The following SLIT3 variants were observed in gnomAD, a reference collection of about 807,000 sequenced individuals.
SLIT3 encodes the protein slit guidance ligand 3.
Under a neutral mutation model 184.0 loss-of-function variants are expected in SLIT3, and 68 were observed. The observed-to-expected ratio is 0.37, with a 90% CI of 0.30 to 0.45. The LOEUF is 0.45. Among genes scored for constraint, SLIT3 ranks in the 20% least tolerant of loss-of-function variants. The pLI, the probability that SLIT3 is intolerant of heterozygous loss-of-function variation, is 1.00. For missense variants in SLIT3, 1,707 were observed against 2,026.0 expected, an observed-to-expected ratio of 0.84 and a Z score of 3.02; for synonymous variants, 831 against 828.6, an observed-to-expected ratio of 1.00 and a Z score of -0.05.
intron 4 of SLIT3, among the ~76,000 whole-genome samples, chr5:169,133,490 C>T (rs1761380122): frequency 6.6e-6 from 1 of 152,178 alleles, no homozygotes; most frequent in Non-Finnish European, 1.5e-5. Context: ...GCACTGGTTA[C>T]AAGAGAAGTC....
intron 27 of SLIT3, among the ~76,000 whole-genome samples, chr5:168,698,893 T>G (rs986862275): frequency 2.6e-5 from 4 of 152,238 alleles, no homozygotes; most frequent in Non-Finnish European, 5.9e-5. Context: ...TCTGAAACTC[T>G]TCAACAACTT....
At chr5:169,283,364 G>C (rs1001120377) in intron 1 of SLIT3, among the ~76,000 whole-genome samples, 2 of 152,170 alleles carry the variant, frequency 1.3e-5, no homozygotes, top group East Asian at 1.9e-4. Context: ...CTATGCTTTT[G>C]AAAGTGCTTA....
chr5:169,004,561 TG>T (rs1219246703), intron 4 of SLIT3, among the ~76,000 whole-genome samples: 1 of 152,162 alleles, frequency 6.6e-6, no homozygotes, highest in Non-Finnish European at 1.5e-5. Flanking sequence ...TCAACAGACC[TG>T]AGTGAAAATT....
At chr5:169,137,538 C>T (rs1761565600) in intron 4 of SLIT3, among the ~76,000 whole-genome samples, 1 of 152,036 alleles carries the variant, frequency 6.6e-6, no homozygotes, top group African/African-American at 2.4e-5. Context: ...GGCCAGGATA[C>T]CCTCCTGACA....
At chr5:169,268,636 T>C (rs1766485860) in intron 1 of SLIT3, among the ~76,000 whole-genome samples, 1 of 152,226 alleles carries the variant, frequency 6.6e-6, no homozygotes, top group Non-Finnish European at 1.5e-5. Flanking sequence ...ACAGCAGCTG[T>C]AGCATCAGGC....
intron 4 of SLIT3, among the ~76,000 whole-genome samples, chr5:169,031,115 T>A (rs998253147): frequency 6.6e-6 from 1 of 152,232 alleles, no homozygotes; most frequent in African/African-American, 2.4e-5. Flanking sequence ...AGCAGTGGCT[T>A]CAGGATAATA....
At chr5:169,265,922 C>T (rs1479919758) in intron 1 of SLIT3, among the ~76,000 whole-genome samples, 2 of 152,224 alleles carry the variant, frequency 1.3e-5, no homozygotes, top group Non-Finnish European at 2.9e-5. Context: ...ACTTCAGGCA[C>T]ATCAAAGCAT....
intron 4 of SLIT3, among the ~76,000 whole-genome samples, chr5:168,974,867 C>G (rs1754695018): frequency 6.6e-6 from 1 of 152,198 alleles, no homozygotes; most frequent in African/African-American, 2.4e-5. Flanking sequence ...AGGAGGTGGC[C>G]CTGGCCTTCC....
intron 3 of SLIT3, among the ~76,000 whole-genome samples, chr5:169,228,965 C>T (rs1401980602): frequency 2.0e-5 from 3 of 152,182 alleles, no homozygotes; most frequent in Non-Finnish European, 4.4e-5. Context: ...TAAAATCCAG[C>T]GCACAGCCAT....
rs529947517 is a variant in SLIT3, at chr5:169,204,453, G to A, written c.342-10903C>T. On this transcript the variant is annotated intron_variant, in intron 3 of 35. Coordinates refer to ENST00000519560, the MANE Select transcript of SLIT3 (RefSeq NM_003062.4). ...AGCTAGGAGAGAATGTGGTCAAGTC[G>A]GGTTTTATTGTTTAAGATGGAGGAA... 3.9e-5 allele frequency among the ~76,000 whole-genome samples: 6 copies of A among 152,282 alleles called. No homozygotes were observed. In the South Asian group the frequency reaches 1.0e-3, roughly 26 times the overall value.
intron 4 of SLIT3, among the ~76,000 whole-genome samples, chr5:168,953,302 T>C (rs992978660): frequency 1.3e-5 from 2 of 152,146 alleles, no homozygotes; most frequent in Non-Finnish European, 2.9e-5. Context: ...TCTGAGCAAT[T>C]TACTATGCCC....
chr5:168,795,640 G>T (rs1405482223), intron 9 of SLIT3, 62 bp from the exon 10 acceptor site: 1 of 1,317,318 alleles, frequency 7.6e-7, no homozygotes, highest in East Asian at 2.3e-5. Context: ...GGTCACTGAG[G>T]GCTACTGTGT....
chr5:168,722,293 C>T lies in SLIT3; in HGVS notation c.2446G>A (p.Val816Ile), dbSNP rs145981611. 1.1e-4 allele frequency: 175 copies of T among 1,614,074 alleles called. No individual in the cohort carries two copies. The highest frequency in any genetic ancestry group is 1.3e-4 in the Non-Finnish European group (156 of 1,180,026). Residue 816 changes from valine (V) to isoleucine (I), a missense_variant, in exon 23 of 36, where the codon GTC (valine) becomes ATC (isoleucine). Val to Ile is a conservative substitution (Grantham distance 29). Transcript: ENST00000519560. The stretch of plus-strand genomic sequence containing the variant: ...GACCGCAGCCCGTTGAAGGCGTGGA[C>T]GGGGATGCACCTCAGCCGGTTGTAG... Reference protein sequence around the residue: ...LSYNRLRCIPVHAFNGLRSLR... With the variant: ...LSYNRLRCIPIHAFNGLRSLR...
intron 25 of SLIT3, among the ~76,000 whole-genome samples, chr5:168,709,753 C>A (rs1260865695): frequency 6.6e-6 from 1 of 151,660 alleles, no homozygotes; most frequent in South Asian, 2.1e-4. Flanking sequence ...GATTATCAAA[C>A]AACTGTGTAT....
intron 4 of SLIT3, among the ~76,000 whole-genome samples, chr5:168,960,889 C>T (rs929890187): frequency 6.6e-6 from 1 of 152,194 alleles, no homozygotes; most frequent in African/African-American, 2.4e-5. Flanking sequence ...GCATTGTACT[C>T]AGGAAAGATC....
At chr5:169,206,506 T>C (rs1450521881) in intron 3 of SLIT3, among the ~76,000 whole-genome samples, 1 of 152,214 alleles carries the variant, frequency 6.6e-6, no homozygotes, top group East Asian at 1.9e-4. Flanking sequence ...CAGGTACAAC[T>C]CAGCACAAAT....
intron 4 of SLIT3, among the ~76,000 whole-genome samples, chr5:169,072,260 G>C (rs80341311): frequency 0.048 from 7,321 of 152,184 alleles, 529 homozygotes; most frequent in East Asian, 0.23. Context: ...AAATGCACTG[G>C]CATCAGACTG....
chr5:169,094,274 T>C (rs1759697174), intron 4 of SLIT3, among the ~76,000 whole-genome samples: 1 of 152,200 alleles, frequency 6.6e-6, no homozygotes, highest in Admixed American at 6.5e-5. Context: ...AAACGACTTG[T>C]CCAAGGTCAC....
chr5:169,262,658 C>G (rs1766233946), intron 1 of SLIT3, among the ~76,000 whole-genome samples: 1 of 152,138 alleles, frequency 6.6e-6, no homozygotes, highest in Non-Finnish European at 1.5e-5. Flanking sequence ...AGATTAATTT[C>G]CCCCAAATGT....
Sources: allele counts gnomAD v4.1 joint callset (sites outside exome capture counted in the v4.1 genomes callset), GRCh38; gene constraint gnomAD v4.1.1; transcripts MANE v1.5; gene names NCBI Gene and HGNC (gene_info 2026-07-23, HGNC 2026-07-21).